Variants in PIK3R6 observed in about 807,000 individuals in gnomAD.
The protein encoded by PIK3R6 is phosphoinositide 3-kinase regulatory subunit 6.
A neutral mutation model predicts 84.9 loss-of-function variants in PIK3R6; 91 were observed. The ratio of observed to expected loss-of-function variants is 1.07; its 90% CI spans 0.90 to 1.28. PIK3R6 has a LOEUF of 1.28. Ranked by LOEUF, PIK3R6 falls within the 50% of genes most tolerant of loss-of-function variation. The pLI, the probability that PIK3R6 is intolerant of heterozygous loss-of-function variation, is 0.00. For synonymous variants in PIK3R6, 416 were observed against 411.4 expected (o/e 1.01, Z -0.13); for missense variants, 996 against 985.1 (o/e 1.01, Z -0.15).
chr17:8,837,202 C>G (rs906299930), intron 5 of PIK3R6, among the ~76,000 whole-genome samples: 1 of 152,174 alleles, frequency 6.6e-6, no homozygotes, highest in East Asian at 1.9e-4. Context: ...AACTTCCTCC[C>G]AGCCCTCCTG....
At chr17:8,832,591 A>G (rs1248285690) in intron 9 of PIK3R6, among the ~76,000 whole-genome samples, 3 of 147,576 alleles carry the variant, frequency 2.0e-5, no homozygotes, top group Non-Finnish European at 4.5e-5. Context: ...CTACTTTAGT[A>G]GAGGGTTTCC....
At position 8,835,260 on chromosome 17, in the gene PIK3R6, G is replaced by A. The variant is rs757270519; in HGVS notation, c.645+13C>T. On this transcript the variant is annotated intron_variant, in intron 8 of 19. Coordinates refer to ENST00000619866, the MANE Select transcript of PIK3R6 (RefSeq NM_001010855.4). ...GGCTGGGACTGACAAGGGGCTGCAG[G>A]CAGGGCCATTACCTGCAGCTTCCTG... 2.0e-6 allele frequency: 3 copies of A among 1,516,116 alleles called. No individual in the cohort carries two copies. The highest frequency in any genetic ancestry group is 2.3e-5 in the East Asian group (1 of 43,042). The allele number at this position is 1,516,116 out of a possible 1,614,324, so 93.9% of individuals were successfully genotyped here.
At chr17:8,834,052 G>A (rs2088362697) in intron 8 of PIK3R6, among the ~76,000 whole-genome samples, 1 of 151,018 alleles carries the variant, frequency 6.6e-6, no homozygotes, top group African/African-American at 2.4e-5. Context: ...GCTACTCAGA[G>A]AGGCTGAGGC....
At chr17:8,867,435 CA>C (rs1316475305) in intron 1 of PIK3R6, 93 bp downstream of exon 1, 2 of 190,016 alleles carry the variant, frequency 1.1e-5, no homozygotes, top group Non-Finnish European at 2.3e-5. Flanking sequence ...TCAGCCCCCC[CA>C]GGGGCTCCCC....
chr17:8,850,741 C>G (rs1379869061), intron 1 of PIK3R6, among the ~76,000 whole-genome samples: 2 of 152,082 alleles, frequency 1.3e-5, no homozygotes, highest in South Asian at 2.1e-4. Context: ...ACTGGGAAAG[C>G]TAATCTAAAA....
intron 6 of PIK3R6, 30 bp from the exon 7 acceptor site, chr17:8,836,646 C>G: frequency 6.2e-7 from 1 of 1,613,800 alleles, no homozygotes; most frequent in Non-Finnish European, 8.5e-7. Flanking sequence ...GGCCAAACAG[C>G]CCCCAAGTCT....
chr17:8,866,061 C>A (rs1021986216), intron 1 of PIK3R6, among the ~76,000 whole-genome samples: 1 of 152,056 alleles, frequency 6.6e-6, no homozygotes, highest in Non-Finnish European at 1.5e-5. Flanking sequence ...TGTGAGGCAG[C>A]GGGGCATGGT....
At position 8,803,279 on chromosome 17, in the gene PIK3R6, GACAAT is replaced by G; in HGVS notation, c.2254_2258del (p.Ile752ProfsTer57). ...GCCTGCTGTCCCTGCAGGCTCACTG[GACAAT>G]ACCAGAGAATGTGTTGATGGGCATC... On this transcript the variant is annotated frameshift_variant, in exon 20 of 20. Coordinates refer to ENST00000619866, the MANE Select transcript of PIK3R6 (RefSeq NM_001010855.4). LOFTEE classifies it high-confidence loss of function. The surrounding 1 kb of genome is among the most constrained non-coding windows in gnomAD (Gnocchi z 5.0). 6.2e-7 allele frequency: 1 copy of G among 1,612,408 alleles called. No individual in the cohort carries two copies. The highest frequency in any genetic ancestry group is 8.5e-7 in the Non-Finnish European group (1 of 1,179,820).
chr17:8,822,557 T>C lies in PIK3R6; in HGVS notation c.1788+30A>G, dbSNP rs75136733. The C allele has an allele frequency of 1.7e-3, 2,818 of 1,611,782 alleles. 48 individuals are homozygous for C. In the African/African-American group the frequency reaches 0.033, roughly 19 times the overall value. ...GCTCCCTCCAGCTGTACCTCTTGGC[T>C]ACCTACTGACCACGTCCATGCACAC... is the stretch of plus-strand genomic sequence containing the variant. On this transcript the variant is annotated intron_variant, in intron 16 of 19. Coordinates refer to ENST00000619866, the MANE Select transcript of PIK3R6 (RefSeq NM_001010855.4).
At chr17:8,832,823 C>T in intron 9 of PIK3R6, 66 bp downstream of exon 9, 1 of 1,606,066 alleles carries the variant, frequency 6.2e-7, no homozygotes, top group East Asian at 2.2e-5. Context: ...CTCTGGCGCC[C>T]CCTGCTGTGC....
At chr17:8,848,714 G>A (rs1208624210) in intron 2 of PIK3R6, among the ~76,000 whole-genome samples, 2 of 152,016 alleles carry the variant, frequency 1.3e-5, no homozygotes, top group African/African-American at 4.8e-5. Flanking sequence ...TCCCCATTCC[G>A]AGCCTCCCAC....
rs550732097 is a variant in PIK3R6 at position 8,863,775 on chromosome 17, C to T, written c.-92+3754G>A. On this transcript the variant is annotated intron_variant, in intron 1 of 19. Transcript: ENST00000619866. ...GCCTCGATCTCCTGACCTCGTGATC[C>T]ACCCGCCTCGGCCTCCCAAAGTGCT... 2.0e-3 allele frequency among the ~76,000 whole-genome samples: 309 copies of T among 152,278 alleles called. 1 individual carries two copies. The highest frequency in any genetic ancestry group is 6.8e-3 in the Middle Eastern group (2 of 294).
At chr17:8,865,308 A>G (rs1300551482) in intron 1 of PIK3R6, among the ~76,000 whole-genome samples, 1 of 152,138 alleles carries the variant, frequency 6.6e-6, no homozygotes, top group African/African-American at 2.4e-5. Context: ...CAGACAGAAG[A>G]ACCCACCACC....
At chr17:8,834,533 A>G (rs943186612) in intron 8 of PIK3R6, among the ~76,000 whole-genome samples, 13 of 150,760 alleles carry the variant, frequency 8.6e-5, no homozygotes, top group African/African-American at 3.2e-4. Context: ...CTGCAAACAC[A>G]TGTCACTGCG....
chr17:8,854,358 A>G (rs1312466058), intron 1 of PIK3R6, among the ~76,000 whole-genome samples: 1 of 152,176 alleles, frequency 6.6e-6, no homozygotes, highest in Non-Finnish European at 1.5e-5. Flanking sequence ...TATGTTGGCC[A>G]GGCTGGTCTT....
intron 18 of PIK3R6, among the ~76,000 whole-genome samples, chr17:8,814,617 A>C (rs1440043021): frequency 1.3e-5 from 2 of 152,194 alleles, no homozygotes; most frequent in Admixed American, 1.3e-4. Flanking sequence ...AAACTCCCCC[A>C]AAATTGAAGA....
In PIK3R6 at chr17:8,827,198, G is replaced by A; in HGVS notation, c.1489C>T (p.Pro497Ser). The A allele has an allele frequency of 6.2e-7, 1 of 1,612,300 alleles. No homozygotes were observed. Reference protein sequence around the residue: ...WYQSNVNTLCPAIHKLAEMPP... With the variant: ...WYQSNVNTLCSAIHKLAEMPP... Reference sequence around the variant, plus strand: ...ATCTCAGCCAGCTTGTGGATGGCGGGGCACAGCGTGTTGACGTTGCTCTGG... The same window carrying A: ...ATCTCAGCCAGCTTGTGGATGGCGGAGCACAGCGTGTTGACGTTGCTCTGG... Residue 497 changes from proline (P) to serine (S), a missense_variant, in exon 13 of 20, where the codon CCC (proline) becomes TCC (serine). By Grantham distance (74) the Pro-to-Ser change is moderately conservative. Transcript: ENST00000619866.
At chr17:8,840,201 C>T (rs1012213900) in intron 2 of PIK3R6, among the ~76,000 whole-genome samples, 1 of 132,120 alleles carries the variant, frequency 7.6e-6, no homozygotes, top group African/African-American at 2.9e-5. Context: ...ATATATATAG[C>T]CTCCAAATAT....
At chr17:8,859,416 A>T (rs2151315547) in intron 1 of PIK3R6, among the ~76,000 whole-genome samples, 1 of 152,332 alleles carries the variant, frequency 6.6e-6, no homozygotes, top group South Asian at 2.1e-4. Flanking sequence ...TAGCACACTG[A>T]AACTGTCTCA....
Sources: gnomAD v4.1 joint callset for allele counts (sites outside exome capture counted in the v4.1 genomes callset) on GRCh38, gnomAD v4.1.1 for gene constraint, Gnocchi (gnomAD v3.1) non-coding constraint, MANE v1.5 for transcripts, NCBI Gene and HGNC (gene_info 2026-07-23, HGNC 2026-07-21) for gene names.